Variants in CADM2 observed in about 807,000 individuals in gnomAD.
CADM2 encodes cell adhesion molecule 2.
Under a neutral mutation model 49.8 loss-of-function variants are expected in CADM2, and 12 were observed. The ratio of observed to expected loss-of-function variants is 0.24; its 90% CI spans 0.15 to 0.39. The LOEUF (loss-of-function observed/expected upper bound fraction) is 0.39, where lower values mean the gene tolerates loss of function less well. Ranked by LOEUF, CADM2 falls within the 10% of genes least tolerant of loss-of-function variation. The pLI is 1.00. For synonymous variants in CADM2, 214 were observed against 175.4 expected (o/e 1.22, Z -1.74); for missense variants, 378 against 492.3 (o/e 0.77, Z 2.20).
chr3:85,454,694 T>C (rs1381337020), intron 1 of CADM2, among the ~76,000 whole-genome samples: 1 of 152,160 alleles, frequency 6.6e-6, no homozygotes, highest in Non-Finnish European at 1.5e-5. Context: ...GCTAATCCAA[T>C]GATGCAAACC....
At chr3:85,944,707 A>G (rs1651195376) in intron 7 of CADM2, among the ~76,000 whole-genome samples, 1 of 152,152 alleles carries the variant, frequency 6.6e-6, no homozygotes, top group African/African-American at 2.4e-5. Flanking sequence ...AGGCAGAAAT[A>G]AAGATGTTCT....
Position 85,221,200 on chromosome 3 carries a change from C to G in CADM2, c.61+261532C>G, listed in dbSNP as rs539837851. 8.5e-5 allele frequency among the ~76,000 whole-genome samples: 13 copies of G among 152,190 alleles called. No homozygotes were observed. The East Asian group carries it at 2.5e-3, about 29-fold the overall frequency. On this transcript the variant is annotated intron_variant, in intron 1 of 9. Coordinates refer to ENST00000383699, the MANE Select transcript of CADM2 (RefSeq NM_001167675.2). ...ATCCAATACAGGATAATAAGTTGAA[C>G]TGTATTCAATTGCCAGCTTTGTAGG...
At chr3:85,906,042 C>A (rs145748644) in intron 5 of CADM2, among the ~76,000 whole-genome samples, 80 of 152,216 alleles carry the variant, frequency 5.3e-4, no homozygotes, top group Admixed American at 1.6e-3. Context: ...ATAAATGTTT[C>A]AAAGAAGTCA....
intron 5 of CADM2, among the ~76,000 whole-genome samples, chr3:85,904,367 A>G (rs914669108): frequency 2.0e-5 from 3 of 152,254 alleles, no homozygotes; most frequent in African/African-American, 7.2e-5. Flanking sequence ...AGTAATAATG[A>G]CTGAAATAAG....
At chr3:85,258,070 T>C (rs2042930075) in intron 1 of CADM2, among the ~76,000 whole-genome samples, 1 of 152,066 alleles carries the variant, frequency 6.6e-6, no homozygotes, top group South Asian at 2.1e-4. Context: ...GAAGGGAAGA[T>C]TCACTTTCCT....
At chr3:85,284,280 G>T (rs1419215854) in intron 1 of CADM2, among the ~76,000 whole-genome samples, 1 of 152,010 alleles carries the variant, frequency 6.6e-6, no homozygotes, top group African/African-American at 2.4e-5. Flanking sequence ...GCACTAAATA[G>T]TTATTTCTTC....
At chr3:85,323,585 C>T (rs2044672449) in intron 1 of CADM2, among the ~76,000 whole-genome samples, 1 of 152,106 alleles carries the variant, frequency 6.6e-6, no homozygotes, top group Admixed American at 6.6e-5. Flanking sequence ...AATATATGTT[C>T]AAAACTAAAC....
At chr3:85,858,638 C>A (rs950219853) in intron 3 of CADM2, among the ~76,000 whole-genome samples, 1 of 152,240 alleles carries the variant, frequency 6.6e-6, no homozygotes, top group African/African-American at 2.4e-5. Flanking sequence ...TAATAAACTA[C>A]TCCTCTATTA....
intron 1 of CADM2, among the ~76,000 whole-genome samples, chr3:85,282,208 G>C (rs975484754): frequency 6.9e-6 from 1 of 144,862 alleles, no homozygotes; most frequent in African/African-American, 2.6e-5. Context: ...ATTATTGTCT[G>C]TGCTGCCAAA....
intron 3 of CADM2, among the ~76,000 whole-genome samples, chr3:85,847,030 T>C (rs137858418): frequency 1.2e-4 from 19 of 152,318 alleles, no homozygotes; most frequent in Admixed American, 4.6e-4. Flanking sequence ...TGAATCAATA[T>C]TATTTGCAAG....
At chr3:85,491,770 T>A (rs1298717391) in intron 1 of CADM2, among the ~76,000 whole-genome samples, 1 of 151,806 alleles carries the variant, frequency 6.6e-6, no homozygotes, top group Non-Finnish European at 1.5e-5. Context: ...GCTGACATGG[T>A]GAAACCCCAT....
rs181382945 is a variant in CADM2 at position 85,915,607 on chromosome 3, A to C, written c.700+3064A>C. Among the ~76,000 whole-genome samples the C allele has an allele frequency of 1.2e-4, 19 of 152,240 alleles. No homozygotes were observed. The East Asian group carries it at 3.7e-3, about 29-fold the overall frequency. ...CAATAGTTGTTCCCAGAGACAGTAG[A>C]TCATGGCTGCACTTAGATCCACATG... On this transcript the variant is annotated intron_variant, in intron 6 of 9. Coordinates refer to ENST00000383699, the MANE Select transcript of CADM2 (RefSeq NM_001167675.2).
rs181275897 is a variant in CADM2 at position 85,756,185 on chromosome 3, G to A, written c.88+29637G>A. Among the ~76,000 whole-genome samples, 656 of 151,878 alleles carry A rather than the reference G, an allele frequency of 4.3e-3. 5 individuals are homozygous for A. The highest frequency in any genetic ancestry group is 0.015 in the African/African-American group (630 of 41,452). ...AATTTTTTTTTTTAATTACACCACA[G>A]CATAAAAAGAGATTTAATGGTCTAT... is the stretch of plus-strand genomic sequence containing the variant. On this transcript the variant is annotated intron_variant, in intron 2 of 9. Transcript: ENST00000383699.
chr3:85,520,986 A>G (rs1230019880), intron 1 of CADM2, among the ~76,000 whole-genome samples: 2 of 152,154 alleles, frequency 1.3e-5, no homozygotes, highest in African/African-American at 4.8e-5. Context: ...ATGTGGTACA[A>G]CATAACTTAC....
intron 8 of CADM2, among the ~76,000 whole-genome samples, chr3:86,020,130 T>C (rs1216792201): frequency 1.3e-5 from 2 of 151,562 alleles, no homozygotes; most frequent in South Asian, 2.1e-4. Flanking sequence ...ATCAAATAGA[T>C]GCAATAAAAA....
intron 1 of CADM2, among the ~76,000 whole-genome samples, chr3:85,127,655 A>G (rs568117542): frequency 6.6e-6 from 1 of 152,260 alleles, no homozygotes; most frequent in African/African-American, 2.4e-5. Flanking sequence ...TTGCCACCCC[A>G]TGGCTTCTAT....
intron 1 of CADM2, among the ~76,000 whole-genome samples, chr3:84,975,848 G>GTGAA (rs902512237): frequency 6.6e-6 from 1 of 151,816 alleles, no homozygotes; most frequent in Non-Finnish European, 1.5e-5. Context: ...ATAAGCATAA[G>GTGAA]TGAATGCACT....
chr3:85,153,417 C>T (rs1016836698), intron 1 of CADM2, among the ~76,000 whole-genome samples: 1 of 152,230 alleles, frequency 6.6e-6, no homozygotes, highest in South Asian at 2.1e-4. Flanking sequence ...ATATCCTGCA[C>T]CTGGCTCAGA....
intron 7 of CADM2, among the ~76,000 whole-genome samples, chr3:85,936,194 A>G (rs1329451483): frequency 6.6e-6 from 1 of 151,824 alleles, no homozygotes; most frequent in African/African-American, 2.4e-5. Flanking sequence ...CTCCCATGAA[A>G]AACTTAGAAA....
Sources: allele counts gnomAD v4.1 joint callset (sites outside exome capture counted in the v4.1 genomes callset), GRCh38; gene constraint gnomAD v4.1.1; transcripts MANE v1.5; gene names NCBI Gene and HGNC (gene_info 2026-07-23, HGNC 2026-07-21).